SEZ6L: variants seen among roughly 807,000 people sequenced by gnomAD.
SEZ6L encodes seizure 6-like protein.
Under a neutral mutation model 106.2 loss-of-function variants are expected in SEZ6L, and 37 were observed. That is an observed-to-expected ratio of 0.35 (90% CI 0.27 to 0.46). The LOEUF (loss-of-function observed/expected upper bound fraction) is 0.46, where lower values mean the gene tolerates loss of function less well. Ranked by LOEUF, SEZ6L falls within the 20% of genes least tolerant of loss-of-function variation. The pLI is 1.00. For synonymous variants in SEZ6L, 541 were observed against 570.4 expected (o/e 0.95, Z 0.73); for missense variants, 1,172 against 1,332.8 (o/e 0.88, Z 1.88).
At chr22:26,256,772 G>A (rs1357531200) in intron 1 of SEZ6L, among the ~76,000 whole-genome samples, 7 of 152,218 alleles carry the variant, frequency 4.6e-5, no homozygotes, top group African/African-American at 1.7e-4. Context: ...CAGAAACTCT[G>A]GGGGTAGGGC....
intron 1 of SEZ6L, among the ~76,000 whole-genome samples, chr22:26,272,015 C>T (rs2080385333): frequency 6.6e-6 from 1 of 152,210 alleles, no homozygotes; most frequent in African/African-American, 2.4e-5. Flanking sequence ...TGAACTACCA[C>T]TGCATGCAGC....
At position 26,305,951 on chromosome 22, in the gene SEZ6L, A is replaced by G. The variant is rs202227707; in HGVS notation, c.1349-28A>G. On this transcript the variant is annotated intron_variant, in intron 5 of 16. Transcript: ENST00000248933. Reference sequence around the variant, plus strand: ...TCTCTCTCCCTCTCTGCTCTCTCCCATTGCCCACCCACCCCTTTCTGGATC... The same window carrying G: ...TCTCTCTCCCTCTCTGCTCTCTCCCGTTGCCCACCCACCCCTTTCTGGATC... The G allele has an allele frequency of 1.5e-3, 2,221 of 1,436,280 alleles. 4 individuals are homozygous for G. The highest frequency in any genetic ancestry group is 1.9e-3 in the Non-Finnish European group (1,929 of 1,034,694). 89.0% of individuals were successfully genotyped at this position (1,436,280 alleles called of 1,614,324 possible).
chr22:26,213,608 G>A (rs1027633704), intron 1 of SEZ6L, among the ~76,000 whole-genome samples: 3 of 152,172 alleles, frequency 2.0e-5, no homozygotes, highest in Admixed American at 6.5e-5. Context: ...TGACAAGAAG[G>A]ATTAAACCTT....
intron 1 of SEZ6L, among the ~76,000 whole-genome samples, chr22:26,195,382 C>G (rs1940508395): frequency 1.3e-5 from 2 of 152,160 alleles, no homozygotes; most frequent in Non-Finnish European, 2.9e-5. Flanking sequence ...ACCTATGTGA[C>G]CTTGGTCTTA....
chr22:26,258,164 C>A (rs566175196), intron 1 of SEZ6L, among the ~76,000 whole-genome samples: 3 of 152,284 alleles, frequency 2.0e-5, no homozygotes, highest in South Asian at 2.1e-4. Flanking sequence ...AAGGTACAGC[C>A]TCTACCTTTG....
chr22:26,216,545 A>C (rs372036204), intron 1 of SEZ6L, among the ~76,000 whole-genome samples: 2 of 152,292 alleles, frequency 1.3e-5, no homozygotes, highest in East Asian at 3.9e-4. Flanking sequence ...AATCCCAGTT[A>C]ATCAGGAGGC....
At chr22:26,250,037 G>C (rs1362941918) in intron 1 of SEZ6L, among the ~76,000 whole-genome samples, 1 of 151,980 alleles carries the variant, frequency 6.6e-6, no homozygotes, top group East Asian at 1.9e-4. Context: ...TTGCTGTTGA[G>C]TTGAGTTCCT....
At chr22:26,328,122 T>A (rs1005700239) in intron 9 of SEZ6L, among the ~76,000 whole-genome samples, 4 of 152,194 alleles carry the variant, frequency 2.6e-5, no homozygotes, top group African/African-American at 7.2e-5. Context: ...GTTAATGGAC[T>A]TTTTTACAAT....
At chr22:26,242,367 G>A (rs573357395) in intron 1 of SEZ6L, among the ~76,000 whole-genome samples, 10 of 152,304 alleles carry the variant, frequency 6.6e-5, no homozygotes, top group Non-Finnish European at 1.3e-4. Flanking sequence ...TCCCTGGCTG[G>A]GTGATCTTGG....
At chr22:26,314,694 C>T (rs994056931) in intron 9 of SEZ6L, among the ~76,000 whole-genome samples, 2 of 152,226 alleles carry the variant, frequency 1.3e-5, no homozygotes, top group African/African-American at 4.8e-5. Flanking sequence ...CCAGAATGTT[C>T]CCCGCTAGCT....
At chr22:26,184,553 G>C (rs979019483) in intron 1 of SEZ6L, among the ~76,000 whole-genome samples, 5 of 152,210 alleles carry the variant, frequency 3.3e-5, no homozygotes, top group African/African-American at 9.7e-5. Flanking sequence ...GGGCTCTGCT[G>C]TAGGTGCTGG....
chr22:26,178,369 T>C (rs1939162235), intron 1 of SEZ6L, among the ~76,000 whole-genome samples: 1 of 152,280 alleles, frequency 6.6e-6, no homozygotes, highest in Admixed American at 6.5e-5. Context: ...CCTCCTAGGC[T>C]TCCTCACTCT....
At chr22:26,305,480 T>C (rs1240118425) in intron 5 of SEZ6L, among the ~76,000 whole-genome samples, 2 of 152,260 alleles carry the variant, frequency 1.3e-5, no homozygotes, top group Non-Finnish European at 2.9e-5. Flanking sequence ...TTGCTGCTTT[T>C]TATCTTGGCC....
intron 9 of SEZ6L, among the ~76,000 whole-genome samples, chr22:26,330,237 T>C (rs2082437231): frequency 6.6e-6 from 1 of 152,200 alleles, no homozygotes; most frequent in Admixed American, 6.5e-5. Flanking sequence ...ACGACGTCTG[T>C]TTGGATTCCG....
intron 15 of SEZ6L, among the ~76,000 whole-genome samples, chr22:26,377,176 G>A (rs763872860): frequency 2.6e-5 from 4 of 152,012 alleles, no homozygotes; most frequent in South Asian, 2.1e-4. Context: ...GGTGGTGCAC[G>A]CAGGTAGGAG....
intron 1 of SEZ6L, among the ~76,000 whole-genome samples, chr22:26,235,485 C>T (rs2078930448): frequency 6.6e-6 from 1 of 152,124 alleles, no homozygotes; most frequent in Non-Finnish European, 1.5e-5. Context: ...TCAGAGTTGC[C>T]TGGCTGGAGG....
intron 6 of SEZ6L, among the ~76,000 whole-genome samples, chr22:26,309,359 AG>A: frequency 6.6e-6 from 1 of 152,328 alleles, no homozygotes; most frequent in African/African-American, 2.4e-5. Context: ...CCCACCTGTA[AG>A]ATGGGTCAGA....
At chr22:26,316,905 G>GCAAGAA (rs2082017290) in intron 9 of SEZ6L, among the ~76,000 whole-genome samples, 1 of 60,990 alleles carries the variant, frequency 1.6e-5, no homozygotes, top group Non-Finnish European at 2.9e-5. Flanking sequence ...AAAGAAAGAA[G>GCAAGAA]AAAGAAAGAA....
chr22:26,240,083 C>T (rs1276082479), intron 1 of SEZ6L, among the ~76,000 whole-genome samples: 2 of 133,970 alleles, frequency 1.5e-5, no homozygotes, highest in Non-Finnish European at 3.1e-5. Context: ...CACACACACA[C>T]ACACACACTC....
Sources: allele counts gnomAD v4.1 joint callset (sites outside exome capture counted in the v4.1 genomes callset), GRCh38; gene constraint gnomAD v4.1.1; transcripts MANE v1.5; gene names NCBI Gene and HGNC (gene_info 2026-07-23, HGNC 2026-07-21).